Variants in LCORL observed in about 807,000 individuals in gnomAD.
The protein encoded by LCORL is ligand-dependent nuclear receptor corepressor-like protein.
A neutral mutation model predicts 141.8 loss-of-function variants in LCORL; 41 were observed. That is an observed-to-expected ratio of 0.29 (90% CI 0.23 to 0.38). The LOEUF (loss-of-function observed/expected upper bound fraction) is 0.38, where lower values mean the gene tolerates loss of function less well. LCORL is among the 10% of genes least tolerant of loss of function. LCORL has a pLI of 1.00. For missense variants in LCORL, 1,759 were observed against 2,035.0 expected, an observed-to-expected ratio of 0.86 and a Z score of 2.61; for synonymous variants, 618 against 694.1, an observed-to-expected ratio of 0.89 and a Z score of 1.72.
chr4:17,870,035 GC>G (rs1206287388), intron 7 of LCORL, among the ~76,000 whole-genome samples: 1 of 152,046 alleles, frequency 6.6e-6, no homozygotes, highest in Non-Finnish European at 1.5e-5. Context: ...CACAATATGG[GC>G]TATGCTTCCC....
At chr4:17,916,288 C>T (rs943860949) in intron 4 of LCORL, among the ~76,000 whole-genome samples, 4 of 152,184 alleles carry the variant, frequency 2.6e-5, no homozygotes, top group African/African-American at 7.2e-5. Context: ...CTGATTAAAG[C>T]CTTCCTTGGC....
At chr4:17,860,987 T>C (rs1335867849) in intron 7 of LCORL, among the ~76,000 whole-genome samples, 1 of 152,324 alleles carries the variant, frequency 6.6e-6, no homozygotes, top group African/African-American at 2.4e-5. Context: ...ATAGCCCCCC[T>C]ACCCTGGCTG....
At chr4:17,956,998 A>G (rs1417702450) in intron 4 of LCORL, among the ~76,000 whole-genome samples, 1 of 151,964 alleles carries the variant, frequency 6.6e-6, no homozygotes, top group African/African-American at 2.4e-5. Context: ...GGATAGGTAA[A>G]ATTAGATTTG....
chr4:17,941,831 T>C (rs977434680), intron 4 of LCORL, among the ~76,000 whole-genome samples: 2 of 149,396 alleles, frequency 1.3e-5, no homozygotes, highest in Non-Finnish European at 3.0e-5. Flanking sequence ...TTTGGAATGC[T>C]GAATCATTTC....
intron 1 of LCORL, among the ~76,000 whole-genome samples, chr4:17,973,261 G>T (rs1206658679): frequency 1.3e-5 from 2 of 151,650 alleles, no homozygotes; most frequent in Non-Finnish European, 3.0e-5. Flanking sequence ...AAGTAAACAT[G>T]AAAAATAGCA....
exon 7 of LCORL, chr4:17,875,873 T>G: frequency 8.1e-7 from 1 of 1,231,256 alleles, no homozygotes. Context: ...CAGTTTCTTT[T>G]GCATGACTGA....
At chr4:17,974,956 T>C (rs1359074790) in intron 1 of LCORL, among the ~76,000 whole-genome samples, 1 of 152,054 alleles carries the variant, frequency 6.6e-6, no homozygotes, top group Non-Finnish European at 1.5e-5. Flanking sequence ...TTAGGTATCG[T>C]CTCTCCTTTT....
At chr4:17,896,324 C>T (rs901752663) in intron 5 of LCORL, among the ~76,000 whole-genome samples, 1 of 152,076 alleles carries the variant, frequency 6.6e-6, no homozygotes, top group African/African-American at 2.4e-5. Context: ...GCTCTTGTTG[C>T]CCAGGCTGGA....
intron 4 of LCORL, among the ~76,000 whole-genome samples, chr4:17,937,361 T>C (rs1382998873): frequency 1.3e-5 from 2 of 152,202 alleles, no homozygotes; most frequent in Admixed American, 6.5e-5. Flanking sequence ...TAAAAAGTGT[T>C]ATCTTCCACA....
exon 8 of LCORL, chr4:17,845,567 CAT>C (rs1722830604): frequency 1.1e-5 from 5 of 469,880 alleles, no homozygotes; most frequent in Non-Finnish European, 1.8e-5. Flanking sequence ...GTAAAAAAAA[CAT>C]ATAAAGAATA....
At position 17,983,284 on chromosome 4, in the gene LCORL, G is replaced by C. The variant is rs564777403; in HGVS notation, c.155-10399C>G. Among the ~76,000 whole-genome samples, 3 of 152,142 alleles carry C rather than the reference G, an allele frequency of 2.0e-5. No individual in the cohort carries two copies. In the East Asian group the frequency reaches 5.8e-4, roughly 29 times the overall value. On this transcript the variant is annotated intron_variant, in intron 1 of 7. Coordinates refer to ENST00000635767, the Ensembl canonical transcript of LCORL. ...GTTCAATACAAATTTACAAATAGTT[G>C]TTTCTAGTTCTGTGAAGAATGTTAT...
At chr4:17,968,617 A>G (rs752611732) in intron 2 of LCORL, among the ~76,000 whole-genome samples, 1 of 152,202 alleles carries the variant, frequency 6.6e-6, no homozygotes, top group African/African-American at 2.4e-5. Flanking sequence ...CCTTTTCCAT[A>G]AACAGCCAAA....
chr4:17,911,794 A>C, intron 4 of LCORL: 1 of 452,556 alleles, frequency 2.2e-6, no homozygotes, highest in Non-Finnish European at 4.3e-6. Context: ...AGGTGCCGGG[A>C]GCTCTGGTTC....
intron 4 of LCORL, among the ~76,000 whole-genome samples, chr4:17,928,077 A>C (rs1043403474): frequency 2.1e-4 from 32 of 152,226 alleles, no homozygotes; most frequent in African/African-American, 7.7e-4. Context: ...AGAAGGATTT[A>C]TGTCAAGAAT....
At chr4:17,845,714 C>T (rs562871151) in exon 8 of LCORL, 13 of 1,595,802 alleles carry the variant, frequency 8.1e-6, no homozygotes, top group Non-Finnish European at 1.1e-5. Context: ...GCAAGAAGAA[C>T]TGCAATCTAT....
chr4:17,873,820 A>C (rs1169581449), exon 7 of LCORL: 2 of 1,233,914 alleles, frequency 1.6e-6, no homozygotes, highest in Non-Finnish European at 2.0e-6. Context: ...CAGTCTTTTA[A>C]GGTTTTTGAC....
intron 4 of LCORL, among the ~76,000 whole-genome samples, chr4:17,946,472 G>T: frequency 6.6e-6 from 1 of 151,934 alleles, no homozygotes; most frequent in East Asian, 1.9e-4. Context: ...TGTATCCCAT[G>T]TTGAAGAGTA....
At chr4:17,912,124 A>T (rs1732652179) in intron 4 of LCORL, 3 of 902,432 alleles carry the variant, frequency 3.3e-6, no homozygotes, top group Non-Finnish European at 5.5e-6. Flanking sequence ...AATTTTCGCA[A>T]ATACTGTGGA....
At chr4:17,992,943 G>A (rs573851741) in intron 1 of LCORL, among the ~76,000 whole-genome samples, 41 of 152,318 alleles carry the variant, frequency 2.7e-4, no homozygotes, top group Non-Finnish European at 4.4e-4. Flanking sequence ...TAGGGTTAGG[G>A]GAGAGACAGA....
Sources: gnomAD v4.1 joint callset for allele counts (sites outside exome capture counted in the v4.1 genomes callset) on GRCh38, gnomAD v4.1.1 for gene constraint, MANE v1.5 for transcripts, NCBI Gene and HGNC (gene_info 2026-07-23, HGNC 2026-07-21) for gene names.